Variants in DNAJC10 observed in about 807,000 individuals in gnomAD.
DNAJC10 encodes endoplasmic reticulum disulfide reductase DNAJC10.
In DNAJC10, 101 loss-of-function variants were observed where a neutral mutation model predicts 115.0. That is an observed-to-expected ratio of 0.88 (90% CI 0.75 to 1.04). The LOEUF (loss-of-function observed/expected upper bound fraction) is 1.04, where lower values mean the gene tolerates loss of function less well. Among genes scored for constraint, DNAJC10 ranks in the 50% least tolerant of loss-of-function variants. The pLI is 0.00. For synonymous variants in DNAJC10, 307 were observed against 301.5 expected, an observed-to-expected ratio of 1.02 and a Z score of -0.19; for missense variants, 981 against 928.8, an observed-to-expected ratio of 1.06 and a Z score of -0.73.
chr2:182,759,607 C>T (rs1162134987), intron 21 of DNAJC10, among the ~76,000 whole-genome samples: 40 of 152,098 alleles, frequency 2.6e-4, no homozygotes, highest in Non-Finnish European at 4.4e-5. Context: ...TACTCTGTTG[C>T]CCTCCAGGCA....
intron 5 of DNAJC10, 30 bp downstream of exon 5, chr2:182,722,105 A>G: frequency 6.8e-7 from 1 of 1,472,344 alleles, no homozygotes; most frequent in Non-Finnish European, 9.3e-7. Context: ...GTTTTATAAA[A>G]CTAATACAAG....
At position 182,788,877 on chromosome 2, in the gene DNAJC10, T is replaced by G; in HGVS notation, c.*11745T>G. 2 of 444,266 alleles carry G rather than the reference T, an allele frequency of 4.5e-6. No individual in the cohort carries two copies. Among genetic ancestry groups the G allele is most frequent in the South Asian group, 3.3e-5 (2 of 60,902 alleles). 27.5% of individuals were successfully genotyped at this position (444,266 alleles called of 1,614,324 possible). On this transcript the variant is annotated 3_prime_UTR_variant, in exon 24 of 24. Coordinates refer to ENST00000264065, the MANE Select transcript of DNAJC10 (RefSeq NM_018981.4). ...CGTTAAAGGTCATTTTGTGTCTTCT[T>G]TAAAACTCTTGATTCCTTTTAGAGT...
Position 182,784,872 on chromosome 2 carries a change from A to G in DNAJC10, c.*7740A>G, listed in dbSNP as rs1694918776. 1 of 152,184 alleles carries G rather than the reference A, an allele frequency of 6.6e-6. No homozygotes were observed. Among genetic ancestry groups the G allele is most frequent in the South Asian group, 2.1e-4 (1 of 4,834 alleles). The allele number at this position is 152,184 out of a possible 1,614,324, so 9.4% of individuals were successfully genotyped here. Reference sequence around the variant, plus strand: ...TCCCTGAAGGATTTTAAGCAGAAATAACATCAGGTACCAGTAGATGGCAGT... The same window carrying G: ...TCCCTGAAGGATTTTAAGCAGAAATGACATCAGGTACCAGTAGATGGCAGT... On this transcript the variant is annotated 3_prime_UTR_variant, in exon 24 of 24. Coordinates refer to ENST00000264065, the MANE Select transcript of DNAJC10 (RefSeq NM_018981.4).
At position 182,752,176 on chromosome 2, in the gene DNAJC10, A is replaced by G. The variant is rs777095616; in HGVS notation, c.1539A>G (p.Gly513=). The part of the protein sequence containing the change: ...FGTLDCTVHE[G]LCNMYNIQAY... ...CACTAGATTGTACAGTTCATGAGGG[A>G]CTCTGTAACATGGTAAGGCAAAGTA... Residue 513 remains glycine, a synonymous_variant, in exon 16 of 24, where the codon GGA becomes GGG. Coordinates refer to ENST00000264065, the MANE Select transcript of DNAJC10 (RefSeq NM_018981.4). 6.5e-7 allele frequency: 1 copy of G among 1,538,548 alleles called. No homozygotes were observed. The highest frequency in any genetic ancestry group is 1.7e-4 in the Middle Eastern group (1 of 5,800).
intron 12 of DNAJC10, among the ~76,000 whole-genome samples, chr2:182,741,010 A>T (rs1171717200): frequency 6.6e-6 from 1 of 152,124 alleles, no homozygotes; most frequent in Admixed American, 6.5e-5. Context: ...TTTGGCAGTC[A>T]TCTACTTTAA....
rs1439595120 is a variant in DNAJC10 at position 182,784,749 on chromosome 2, T to C, written c.*7617T>C. Reference sequence around the variant, plus strand: ...TTGTAAAATTTAAGGTAGCTCTACCTGCTAAAGTAGCACCTATTCTTTTGA... The same window carrying C: ...TTGTAAAATTTAAGGTAGCTCTACCCGCTAAAGTAGCACCTATTCTTTTGA... On this transcript the variant is annotated 3_prime_UTR_variant, in exon 24 of 24. Coordinates refer to ENST00000264065, the MANE Select transcript of DNAJC10 (RefSeq NM_018981.4). 1.3e-5 allele frequency: 2 copies of C among 152,232 alleles called. No individual in the cohort carries two copies. The highest frequency in any genetic ancestry group is 2.4e-5 in the African/African-American group (1 of 41,460). The allele number at this position is 152,232 out of a possible 1,614,324, so 9.4% of individuals were successfully genotyped here. A position where few individuals can be genotyped will look rare whatever the true frequency, so the allele number is the denominator to read the frequency against.
chr2:182,793,955 A>G lies in DNAJC10; in HGVS notation c.*16823A>G, dbSNP rs1695098921. 1 of 152,114 alleles carries G rather than the reference A, an allele frequency of 6.6e-6. No individual in the cohort carries two copies. Among genetic ancestry groups the G allele is most frequent in the Non-Finnish European group, 1.5e-5 (1 of 68,020 alleles). The allele number at this position is 152,114 out of a possible 1,614,324, so 9.4% of individuals were successfully genotyped here. A position where few individuals can be genotyped will look rare whatever the true frequency, so the allele number is the denominator to read the frequency against. Reference sequence around the variant, plus strand: ...CAAAGCCTTCCAAATTCTGAGAGGAAAATATTTTTAACCTAGGATTCTATT... The same window carrying G: ...CAAAGCCTTCCAAATTCTGAGAGGAGAATATTTTTAACCTAGGATTCTATT... On this transcript the variant is annotated 3_prime_UTR_variant, in exon 24 of 24. Transcript: ENST00000264065.
At chr2:182,744,918 C>G (rs1187318447) in intron 14 of DNAJC10, among the ~76,000 whole-genome samples, 1 of 151,680 alleles carries the variant, frequency 6.6e-6, no homozygotes. Flanking sequence ...GTTCTCAGAC[C>G]CCCCCTCTTC....
In DNAJC10 at chr2:182,792,310, T is replaced by C. The variant is rs1695066212; in HGVS notation, c.*15178T>C. On this transcript the variant is annotated 3_prime_UTR_variant, in exon 24 of 24. Transcript: ENST00000264065. The stretch of plus-strand genomic sequence containing the variant: ...ATGAGGATTACAGTAGTTGGTTATC[T>C]TTGTGAGGGGTTTTGAGGGTTGTGG... 6.6e-6 allele frequency: 1 copy of C among 152,192 alleles called. No individual in the cohort carries two copies. Among genetic ancestry groups the C allele is most frequent in the Non-Finnish European group, 1.5e-5 (1 of 68,024 alleles). 9.4% of individuals were successfully genotyped at this position (152,192 alleles called of 1,614,324 possible). A position where few individuals can be genotyped will look rare whatever the true frequency, so the allele number is the denominator to read the frequency against.
chr2:182,768,120 G>T (rs1694463594), intron 22 of DNAJC10, among the ~76,000 whole-genome samples: 1 of 152,080 alleles, frequency 6.6e-6, no homozygotes, highest in South Asian at 2.1e-4. Context: ...CAGAAATCTA[G>T]AATTGCCACA....
intron 5 of DNAJC10, among the ~76,000 whole-genome samples, chr2:182,723,782 T>G (rs1693214988): frequency 6.6e-6 from 1 of 152,232 alleles, no homozygotes; most frequent in Admixed American, 6.5e-5. Flanking sequence ...GGGTTCACAC[T>G]TTTTCAGATG....
At chr2:182,775,225 G>C in intron 22 of DNAJC10, 91 bp from the exon 23 acceptor site, 1 of 809,736 alleles carries the variant, frequency 1.2e-6, no homozygotes, top group Non-Finnish European at 2.0e-6. Flanking sequence ...TGGAACAAAA[G>C]AACTTGAAAG....
intron 4 of DNAJC10, among the ~76,000 whole-genome samples, chr2:182,721,176 G>A (rs1157969880): frequency 2.0e-5 from 3 of 152,030 alleles, no homozygotes; most frequent in Non-Finnish European, 4.4e-5. Flanking sequence ...TTCTGTATTA[G>A]ACTAAATGAA....
chr2:182,739,226 A>G (rs1198730685), intron 11 of DNAJC10, among the ~76,000 whole-genome samples: 2 of 144,356 alleles, frequency 1.4e-5, no homozygotes, highest in South Asian at 2.1e-4. Context: ...ATAATATCTC[A>G]TATATATTTA....
chr2:182,776,272 G>C (rs1239666290), intron 23 of DNAJC10, among the ~76,000 whole-genome samples: 1 of 152,100 alleles, frequency 6.6e-6, no homozygotes, highest in Non-Finnish European at 1.5e-5. Context: ...TTTTGTTCTT[G>C]GTGTAATCAG....
intron 10 of DNAJC10, among the ~76,000 whole-genome samples, 199 bp from the exon 11 acceptor site, chr2:182,736,049 AT>A (rs1251019239): frequency 4.0e-5 from 6 of 149,000 alleles, no homozygotes; most frequent in African/African-American, 1.3e-4. Context: ...ACTAAGTACA[AT>A]TTTTTGCACT....
At chr2:182,722,582 AAATT>A (rs1412245374) in intron 5 of DNAJC10, among the ~76,000 whole-genome samples, 2 of 152,216 alleles carry the variant, frequency 1.3e-5, no homozygotes, top group Non-Finnish European at 2.9e-5. Context: ...TCAGAGCAAT[AAATT>A]AAACTTCAAA....
chr2:182,774,150 C>T (rs1694642046), intron 22 of DNAJC10, among the ~76,000 whole-genome samples: 1 of 152,164 alleles, frequency 6.6e-6, no homozygotes, highest in Admixed American at 6.5e-5. Context: ...CTGGGTATCA[C>T]CAGCAGAGGC....
At chr2:182,736,177 A>G in intron 10 of DNAJC10, 72 bp from the exon 11 acceptor site, 2 of 1,451,034 alleles carry the variant, frequency 1.4e-6, no homozygotes, top group Non-Finnish European at 1.8e-6. Flanking sequence ...TTTTTAGCTA[A>G]GTAAAGCTCT....
Sources: gnomAD v4.1 joint callset for allele counts (sites outside exome capture counted in the v4.1 genomes callset) on GRCh38, gnomAD v4.1.1 for gene constraint, MANE v1.5 for transcripts, NCBI Gene and HGNC (gene_info 2026-07-23, HGNC 2026-07-21) for gene names.